The following TBC1D4 variants were observed in gnomAD, a reference collection of about 807,000 sequenced individuals.
TBC1D4 encodes the protein TBC1 domain family member 4, also known as TBC (Tre-2, BUB2, CDC16) domain-containing protein.
In TBC1D4, 121 loss-of-function variants were observed where a neutral mutation model predicts 142.5. The ratio of observed to expected loss-of-function variants is 0.85; its 90% CI spans 0.73 to 0.99. The LOEUF (loss-of-function observed/expected upper bound fraction) is 0.99, where lower values mean the gene tolerates loss of function less well. Ranked by LOEUF, TBC1D4 falls within the 50% of genes least tolerant of loss-of-function variation. The pLI, the probability that TBC1D4 is intolerant of heterozygous loss-of-function variation, is 0.00. For synonymous variants in TBC1D4, 630 were observed against 628.2 expected, an observed-to-expected ratio of 1.00 and a Z score of -0.04; for missense variants, 1,475 against 1,606.6, an observed-to-expected ratio of 0.92 and a Z score of 1.40.
At chr13:75,349,702 CTT>C (rs1275930256) in intron 4 of TBC1D4, among the ~76,000 whole-genome samples, 1 of 152,164 alleles carries the variant, frequency 6.6e-6, no homozygotes, top group African/African-American at 2.4e-5. Context: ...CCAACATTCA[CTT>C]TGTTAATAGG....
intron 15 of TBC1D4, among the ~76,000 whole-genome samples, chr13:75,305,272 G>C (rs547183284): frequency 8.5e-5 from 13 of 152,292 alleles, no homozygotes; most frequent in African/African-American, 3.1e-4. Context: ...ACTCAGTCTT[G>C]GGTTTGTCTT....
intron 1 of TBC1D4, among the ~76,000 whole-genome samples, chr13:75,446,535 C>T (rs1193818628): frequency 6.6e-6 from 1 of 152,196 alleles, no homozygotes; most frequent in African/African-American, 2.4e-5. Flanking sequence ...TTTTATTCAA[C>T]ATTAGGTTTG....
In TBC1D4 at chr13:75,353,060, C is replaced by T. The variant is rs534356570; in HGVS notation, c.1275+3087G>A. ...ATGGTTTGAGAGATCCTAGCATAGG[C>T]CTGTTCTTAAGAATAATTATGCCAA... On this transcript the variant is annotated intron_variant, in intron 4 of 20. Transcript: ENST00000377636. Among the ~76,000 whole-genome samples, 4 of 152,242 alleles carry T rather than the reference C, an allele frequency of 2.6e-5. No individual in the cohort carries two copies. The East Asian group carries it at 7.7e-4, about 29-fold the overall frequency.
At chr13:75,481,243 C>T (rs1888853809) in intron 1 of TBC1D4, 27 bp downstream of exon 1, 1 of 1,607,528 alleles carries the variant, frequency 6.2e-7, no homozygotes. Flanking sequence ...CCGAGCCCGC[C>T]CCCGCGCCTC....
chr13:75,405,171 T>TC lies in TBC1D4; in HGVS notation c.499-42565dup, dbSNP rs200357395. ...GACCTGTTAGGTGAAACAAACCATG[T>TC]CGCAGAATAGTAAACATATAATTTT... On this transcript the variant is annotated intron_variant, in intron 1 of 20. Coordinates refer to ENST00000377636, the MANE Select transcript of TBC1D4 (RefSeq NM_014832.5). Among the ~76,000 whole-genome samples, 933 of 152,132 alleles carry TC rather than the reference T, an allele frequency of 6.1e-3. 7 individuals are homozygous for TC. Among genetic ancestry groups the TC allele is most frequent in the South Asian group, 0.012 (59 of 4,806 alleles).
chr13:75,373,204 C>T (rs1246608877), intron 1 of TBC1D4, among the ~76,000 whole-genome samples: 2 of 152,156 alleles, frequency 1.3e-5, no homozygotes, highest in African/African-American at 4.8e-5. Flanking sequence ...AAACGCCACA[C>T]ATTTCTCAGA....
At chr13:75,292,614 G>T (rs1361897314) in intron 18 of TBC1D4, among the ~76,000 whole-genome samples, 1 of 150,394 alleles carries the variant, frequency 6.6e-6, no homozygotes, top group African/African-American at 2.4e-5. Flanking sequence ...TTCACAACAG[G>T]AATACAAAAA....
intron 1 of TBC1D4, among the ~76,000 whole-genome samples, chr13:75,411,494 A>C (rs1319387438): frequency 1.3e-5 from 2 of 152,074 alleles, no homozygotes; most frequent in African/African-American, 4.8e-5. Flanking sequence ...TGACAGCCCC[A>C]ATTTATAGAG....
At chr13:75,333,373 C>T (rs1438655242) in intron 8 of TBC1D4, among the ~76,000 whole-genome samples, 2 of 152,116 alleles carry the variant, frequency 1.3e-5, no homozygotes, top group Non-Finnish European at 2.9e-5. Flanking sequence ...TTCATTAACA[C>T]ATGAAAACAG....
chr13:75,325,353 TGCAG>T (rs1879135926), intron 10 of TBC1D4, among the ~76,000 whole-genome samples: 1 of 151,748 alleles, frequency 6.6e-6, no homozygotes, highest in Admixed American at 6.6e-5. Flanking sequence ...TTAGAAGAAA[TGCAG>T]GCAAATTTTG....
intron 8 of TBC1D4, among the ~76,000 whole-genome samples, chr13:75,329,383 A>G (rs987162587): frequency 2.0e-5 from 3 of 150,472 alleles, no homozygotes; most frequent in African/African-American, 7.3e-5. Flanking sequence ...CCAACCATCA[A>G]TTACCCTCCC....
At chr13:75,312,416 G>GAAAAAAAAAAAAAAAA (rs762306467) in intron 13 of TBC1D4, among the ~76,000 whole-genome samples, 48 of 125,638 alleles carry the variant, frequency 3.8e-4, no homozygotes, top group African/African-American at 1.3e-3. Context: ...CAATCTCTGG[G>GAAAAAAAAAAAAAAAA]AAAAAAAAAA....
At chr13:75,320,315 TG>T (rs1259914440) in intron 11 of TBC1D4, among the ~76,000 whole-genome samples, 1 of 152,204 alleles carries the variant, frequency 6.6e-6, no homozygotes, top group Non-Finnish European at 1.5e-5. Flanking sequence ...TACTTTTTTT[TG>T]ACTGTCATTT....
At chr13:75,473,077 C>T (rs1435126610) in intron 1 of TBC1D4, among the ~76,000 whole-genome samples, 1 of 152,152 alleles carries the variant, frequency 6.6e-6, no homozygotes, top group Non-Finnish European at 1.5e-5. Flanking sequence ...TCACTGCAAC[C>T]TCCACTTCCC....
intron 1 of TBC1D4, among the ~76,000 whole-genome samples, chr13:75,479,974 G>C (rs982774278): frequency 2.0e-5 from 3 of 151,596 alleles, no homozygotes; most frequent in Non-Finnish European, 4.4e-5. Flanking sequence ...GGAGGTTGCA[G>C]TGAGCCGAGA....
chr13:75,322,557 A>C (rs1593725238), intron 11 of TBC1D4, among the ~76,000 whole-genome samples: 1 of 152,200 alleles, frequency 6.6e-6, no homozygotes, highest in South Asian at 2.1e-4. Flanking sequence ...CAATCTGTAT[A>C]GACAGAAGCC....
At chr13:75,326,773 T>C (rs1280921246) in intron 9 of TBC1D4, among the ~76,000 whole-genome samples, 1 of 152,194 alleles carries the variant, frequency 6.6e-6, no homozygotes, top group Non-Finnish European at 1.5e-5. Context: ...GCTACTGTAC[T>C]TCTCTCACTG....
intron 1 of TBC1D4, among the ~76,000 whole-genome samples, chr13:75,374,049 G>T (rs1355773736): frequency 2.0e-5 from 3 of 152,140 alleles, no homozygotes; most frequent in Non-Finnish European, 2.9e-5. Context: ...CTTGAAATCA[G>T]ATTAATAAAT....
chr13:75,324,686 A>G (rs1036716810), intron 10 of TBC1D4, among the ~76,000 whole-genome samples: 3 of 152,322 alleles, frequency 2.0e-5, no homozygotes, highest in South Asian at 2.1e-4. Context: ...GACAAAAAGT[A>G]TTTGTTTTCA....
Sources: allele counts gnomAD v4.1 joint callset (sites outside exome capture counted in the v4.1 genomes callset), GRCh38; gene constraint gnomAD v4.1.1; transcripts MANE v1.5; gene names NCBI Gene and HGNC (gene_info 2026-07-23, HGNC 2026-07-21).